Variants in DNM3 observed in about 807,000 individuals in gnomAD.
DNM3 encodes the protein dynamin-3.
Under a neutral mutation model 101.6 loss-of-function variants are expected in DNM3, and 47 were observed. The observed-to-expected ratio is 0.46, with a 90% CI of 0.37 to 0.59. The LOEUF (loss-of-function observed/expected upper bound fraction) is 0.59. Ranked by LOEUF, DNM3 falls within the 20% of genes least tolerant of loss-of-function variation. The pLI, the probability that DNM3 is intolerant of heterozygous loss-of-function variation, is 0.00. For synonymous variants in DNM3, 385 were observed against 387.9 expected (o/e 0.99, Z 0.09); for missense variants, 849 against 1,085.7 (o/e 0.78, Z 3.06).
chr1:171,895,039 G>C (rs920985718), intron 1 of DNM3, among the ~76,000 whole-genome samples: 6 of 152,112 alleles, frequency 3.9e-5, no homozygotes, highest in Non-Finnish European at 7.4e-5. Flanking sequence ...GTCTATCATT[G>C]ATGGACATTT....
chr1:172,211,927 A>C (rs2060527931), intron 14 of DNM3, among the ~76,000 whole-genome samples: 1 of 152,116 alleles, frequency 6.6e-6, no homozygotes, highest in African/African-American at 2.4e-5. Context: ...GACATTTATG[A>C]GGATGAAGGA....
chr1:172,101,188 C>T (rs1407465507), intron 13 of DNM3, among the ~76,000 whole-genome samples: 3 of 152,170 alleles, frequency 2.0e-5, no homozygotes, highest in African/African-American at 7.2e-5. Flanking sequence ...GTCTTCAGAA[C>T]AATCTAATTT....
intron 1 of DNM3, among the ~76,000 whole-genome samples, chr1:171,910,637 G>A (rs367699655): frequency 3.3e-5 from 5 of 152,114 alleles, no homozygotes; most frequent in South Asian, 2.1e-4. Flanking sequence ...CTTCAGAAAC[G>A]AATTTAGGTA....
chr1:172,298,207 T>G (rs576247271), intron 15 of DNM3, among the ~76,000 whole-genome samples: 1 of 152,236 alleles, frequency 6.6e-6, no homozygotes, highest in Non-Finnish European at 1.5e-5. Context: ...TTCTCCTTCA[T>G]TGATGGACTG....
intron 14 of DNM3, among the ~76,000 whole-genome samples, chr1:172,238,836 A>C (rs951838240): frequency 6.6e-6 from 1 of 152,060 alleles, no homozygotes; most frequent in African/African-American, 2.4e-5. Context: ...GAAAAAAAAA[A>C]AACACCCTTT....
At chr1:172,373,251 C>T (rs1445322376) in intron 17 of DNM3, among the ~76,000 whole-genome samples, 1 of 152,064 alleles carries the variant, frequency 6.6e-6, no homozygotes, top group Non-Finnish European at 1.5e-5. Context: ...AGTCTCCTGT[C>T]ACCTTATTGC....
At chr1:172,394,944 A>G (rs1050997968) in intron 20 of DNM3, among the ~76,000 whole-genome samples, 4 of 152,198 alleles carry the variant, frequency 2.6e-5, no homozygotes, top group African/African-American at 9.6e-5. Flanking sequence ...TAGTACTTCT[A>G]TTTCATCACT....
rs187084338 is a variant in DNM3 at position 172,091,960 on chromosome 1, A to G, written c.1494-864A>G. Among the ~76,000 whole-genome samples, 32 of 152,322 alleles carry G rather than the reference A, an allele frequency of 2.1e-4. No individual in the cohort carries two copies. The East Asian group carries it at 4.6e-3, about 22-fold the overall frequency. ...AATTTATTATAAGAAAGTAGTCGACAGCATTTTCTGATGGTCGGATATGGG... is the reference window on the plus strand; with the variant it reads ...AATTTATTATAAGAAAGTAGTCGACGGCATTTTCTGATGGTCGGATATGGG... On this transcript the variant is annotated intron_variant, in intron 12 of 20. Transcript: ENST00000627582.
intron 14 of DNM3, among the ~76,000 whole-genome samples, chr1:172,159,239 C>G (rs1233738151): frequency 6.6e-6 from 1 of 152,044 alleles, no homozygotes; most frequent in Non-Finnish European, 1.5e-5. Flanking sequence ...CAAGCATTAC[C>G]TGTGTGTGAG....
At chr1:172,281,754 C>T (rs558465501) in intron 15 of DNM3, among the ~76,000 whole-genome samples, 1 of 151,932 alleles carries the variant, frequency 6.6e-6, no homozygotes, top group East Asian at 1.9e-4. Context: ...CTTTGTTTGG[C>T]AGTATTATAC....
At chr1:172,025,061 C>T (rs2048102448) in intron 4 of DNM3, among the ~76,000 whole-genome samples, 1 of 152,236 alleles carries the variant, frequency 6.6e-6, no homozygotes, top group Admixed American at 6.5e-5. Flanking sequence ...GCTTGAAATT[C>T]TCACTGCCAG....
chr1:172,269,194 C>T (rs966462708), intron 15 of DNM3, among the ~76,000 whole-genome samples: 1 of 152,158 alleles, frequency 6.6e-6, no homozygotes, highest in Non-Finnish European at 1.5e-5. Context: ...GATGAATGAG[C>T]CCAACACGGC....
chr1:172,324,221 C>T (rs1425559876), intron 17 of DNM3, among the ~76,000 whole-genome samples: 1 of 152,074 alleles, frequency 6.6e-6, no homozygotes, highest in African/African-American at 2.4e-5. Flanking sequence ...TACCAGGTGG[C>T]CCACTTAAAA....
chr1:172,008,829 T>C (rs1220970942), intron 4 of DNM3, among the ~76,000 whole-genome samples: 2 of 138,816 alleles, frequency 1.4e-5, no homozygotes, highest in Admixed American at 7.9e-5. Flanking sequence ...ATATGTATTA[T>C]ATAATATATA....
chr1:172,170,754 T>A (rs1016419027), intron 14 of DNM3, among the ~76,000 whole-genome samples: 2 of 151,804 alleles, frequency 1.3e-5, no homozygotes, highest in African/African-American at 2.4e-5. Context: ...TTCTCTAGTC[T>A]GCCCACAAAT....
intron 2 of DNM3, among the ~76,000 whole-genome samples, chr1:171,973,138 G>T (rs909218527): frequency 6.6e-6 from 1 of 152,154 alleles, no homozygotes; most frequent in Non-Finnish European, 1.5e-5. Context: ...AGGGATAGTG[G>T]TGCTGGTGGA....
At chr1:172,066,495 CCCATAACCTATTAAT>C (rs1295074681) in intron 10 of DNM3, among the ~76,000 whole-genome samples, 1 of 152,022 alleles carries the variant, frequency 6.6e-6, no homozygotes, top group African/African-American at 2.4e-5. Context: ...CAGTCCCACT[CCCATAACCTATTAAT>C]CCATTAGTCC....
intron 14 of DNM3, among the ~76,000 whole-genome samples, chr1:172,236,469 G>A (rs762693756): frequency 1.1e-4 from 17 of 151,944 alleles, no homozygotes; most frequent in Admixed American, 2.6e-4. Flanking sequence ...TGTTAACATT[G>A]GTAGTTAAAA....
intron 1 of DNM3, among the ~76,000 whole-genome samples, chr1:171,857,080 G>A (rs2033686071): frequency 6.6e-6 from 1 of 152,198 alleles, no homozygotes; most frequent in Non-Finnish European, 1.5e-5. Context: ...CTGGCAGAGT[G>A]AATTGGGGCC....
Sources: allele counts gnomAD v4.1 joint callset (sites outside exome capture counted in the v4.1 genomes callset), GRCh38; gene constraint gnomAD v4.1.1; transcripts MANE v1.5; gene names NCBI Gene and HGNC (gene_info 2026-07-23, HGNC 2026-07-21).